Variants in CIITA observed in about 807,000 individuals in gnomAD.
CIITA encodes class II major histocompatibility complex transactivator, also known as MHC class II transactivator.
CIITA carries 72 observed loss-of-function variants against 115.1 expected under a neutral mutation model. That is an observed-to-expected ratio of 0.63 (90% confidence interval 0.52 to 0.76). CIITA has a LOEUF of 0.76. Among genes scored for constraint, CIITA ranks in the 30% least tolerant of loss-of-function variants. The pLI is 0.00. For missense variants in CIITA, 1,617 were observed against 1,463.8 expected (o/e 1.10, Z -1.71); for synonymous variants, 763 against 635.6 (o/e 1.20, Z -3.02).
intron 1 of CIITA, among the ~76,000 whole-genome samples, chr16:10,868,599 G>A (rs2035257404): frequency 6.6e-6 from 1 of 152,178 alleles, no homozygotes; most frequent in African/African-American, 2.4e-5. Context: ...GGCGCAGACA[G>A]CCAGTGTGGT....
chr16:10,872,426 C>T (rs75070322), upstream of CIITA, among the ~76,000 whole-genome samples: 4,556 of 152,208 alleles, frequency 0.03, 87 homozygotes, highest in Middle Eastern at 0.051. Context: ...CCCAGCCTCT[C>T]GCCCTGTCTT....
chr16:10,942,184 G>T lies in CIITA; in HGVS notation n.1310G>T. 2.1e-6 allele frequency: 1 copy of T among 478,480 alleles called. No individual in the cohort carries two copies. The highest frequency in any genetic ancestry group is 3.4e-6 in the Non-Finnish European group (1 of 291,620). 29.6% of individuals were successfully genotyped at this position (478,480 alleles called of 1,614,324 possible). A position where few individuals can be genotyped will look rare whatever the true frequency, so the allele number is the denominator to read the frequency against. ...CCCCGACCCCCGAAATGCGCCGGGCGGGTCACCGCACCCCGAGATGTGCCC... is the reference window on the plus strand; with the variant it reads ...CCCCGACCCCCGAAATGCGCCGGGCTGGTCACCGCACCCCGAGATGTGCCC... On this transcript the variant is annotated non_coding_transcript_exon_variant, in exon 2 of 2. Coordinates refer to the CIITA transcript ENST00000573379. This position sits in a 1 kb window ranked among gnomAD's most constrained non-coding sequence, Gnocchi z 5.0.
intron 1 of CIITA, among the ~76,000 whole-genome samples, chr16:10,882,464 C>T (rs1020891904): frequency 2.6e-5 from 4 of 152,194 alleles, no homozygotes; most frequent in African/African-American, 9.7e-5. Flanking sequence ...TGCAGTGGCT[C>T]ATGCCTGTAA....
chr16:10,922,313 C>G (rs1213937643), intron 17 of CIITA, 63 bp downstream of exon 17: 4 of 1,605,040 alleles, frequency 2.5e-6, no homozygotes, highest in Non-Finnish European at 3.4e-6. Flanking sequence ...GAAGTCTCTC[C>G]CTGGTGTCCT....
chr16:10,918,274 C>A (rs551090840), intron 15 of CIITA, among the ~76,000 whole-genome samples, 166 bp from the exon 16 acceptor site: 1 of 152,346 alleles, frequency 6.6e-6, no homozygotes, highest in African/African-American at 2.4e-5. Flanking sequence ...CTCATCCCTG[C>A]CCTCCCACTT....
rs1187454095 is a variant in CIITA at position 10,907,253 on chromosome 16, G to A, written c.1761G>A (p.Met587Ile). The A allele has an allele frequency of 6.2e-7, 1 of 1,613,528 alleles. No homozygotes were observed. Among genetic ancestry groups the A allele is most frequent in the Non-Finnish European group, 8.5e-7 (1 of 1,179,988 alleles). Residue 587 changes from methionine (M) to isoleucine (I), a missense_variant, in exon 11 of 20, where the codon ATG becomes ATA. Coordinates refer to ENST00000324288, the MANE Select transcript of CIITA (RefSeq NM_000246.4). This position sits in a 1 kb window ranked among gnomAD's most constrained non-coding sequence, Gnocchi z 5.0. ...YVMRYFESSG[M>I]TEHQDRALTL... ...TGCGCTACTTTGAGAGCTCAGGGAT[G>A]ACAGAGCACCAAGACAGAGCCCTGA...
rs1336520456 is a variant in CIITA, at chr16:10,879,318, G to A, written c.52+1936G>A. Among the ~76,000 whole-genome samples, 13 of 152,150 alleles carry A rather than the reference G, an allele frequency of 8.5e-5. No homozygotes were observed. Among genetic ancestry groups the A allele is most frequent in the African/African-American group, 2.7e-4 (11 of 41,436 alleles). ...AAAGCCTGGCGGCAGCTTCTGCAGA[G>A]AAGCCGGAGCGCAGACTGGGAGCGC... On this transcript the variant is annotated intron_variant, in intron 1 of 19. Transcript: ENST00000324288. The surrounding 1 kb of genome is among the most constrained non-coding windows in gnomAD (Gnocchi z 4.3).
rs537456510 is a variant in CIITA, at chr16:10,879,501, A to G, written c.52+2119A>G. 6.6e-6 allele frequency among the ~76,000 whole-genome samples: 1 copy of G among 152,274 alleles called. No homozygotes were observed. The highest frequency in any genetic ancestry group is 6.5e-5 in the Admixed American group (1 of 15,288). On this transcript the variant is annotated intron_variant, in intron 1 of 19. Coordinates refer to ENST00000324288, the MANE Select transcript of CIITA (RefSeq NM_000246.4). This position sits in a 1 kb window ranked among gnomAD's most constrained non-coding sequence, Gnocchi z 4.3. The stretch of plus-strand genomic sequence containing the variant: ...GTCATATTCCATCTCTAACTCTGGA[A>G]TCTTGGGTATTGGGCTCTCCAGGCG...
chr16:10,899,339 C>G (rs528069537), intron 5 of CIITA, among the ~76,000 whole-genome samples: 1 of 152,326 alleles, frequency 6.6e-6, no homozygotes, highest in South Asian at 2.1e-4. Context: ...TTGCTATAGT[C>G]TCTATCTGGA....
intron 13 of CIITA, among the ~76,000 whole-genome samples, chr16:10,911,266 CTTTCTTTCCTT>C (rs1312573496): frequency 2.0e-5 from 3 of 149,046 alleles, no homozygotes; most frequent in Non-Finnish European, 3.0e-5. Flanking sequence ...TTTCTTTCCT[CTTTCTTTCCTT>C]TCCCTTCCTT....
chr16:10,900,730 A>G (rs2038657768), intron 5 of CIITA, among the ~76,000 whole-genome samples: 1 of 150,228 alleles, frequency 6.7e-6, no homozygotes, highest in Non-Finnish European at 1.5e-5. Context: ...ACAGAGCTAG[A>G]CTCTGTTTCA....
chr16:10,904,016 G>T, intron 9 of CIITA, 121 bp downstream of exon 9: 1 of 1,343,372 alleles, frequency 7.4e-7, no homozygotes, highest in Non-Finnish European at 1.1e-6. Flanking sequence ...CATGTTTAGG[G>T]GTCAGTCGGG....
chr16:10,907,712 C>G lies in CIITA; in HGVS notation c.2220C>G (p.Thr740=), dbSNP rs2039272434. The change falls in exon 11 of 20, where the codon ACC becomes ACG. Residue 740 remains threonine (T), a synonymous_variant. Coordinates refer to ENST00000324288, the MANE Select transcript of CIITA (RefSeq NM_000246.4). The surrounding 1 kb of genome is among the most constrained non-coding windows in gnomAD (Gnocchi z 5.0). The stretch of plus-strand genomic sequence containing the variant: ...AGCTCCCGCAGTACCTAGCATTGAC[C>G]CCAAGGAAGAAGAGGCCCTATGACA... ...DKELPQYLAL[T]PRKKRPYDNW... is the part of the protein sequence containing the mutation. 3.1e-6 allele frequency: 5 copies of G among 1,614,112 alleles called. No individual in the cohort carries two copies. The East Asian group carries it at 1.1e-4, about 36-fold the overall frequency.
chr16:10,906,835 T>C lies in CIITA; in HGVS notation c.1343T>C (p.Val448Ala), dbSNP rs755378764. Residue 448 changes from valine to alanine, a missense_variant, in exon 11 of 20, where the codon GTC (valine) becomes GCC (alanine). Val to Ala is a moderately conservative substitution (Grantham distance 64). Transcript: ENST00000324288. ...ACGRLPQYDF[V>A]FSVPCHCLNR... ...GGCCGGCTTCCCCAGTACGACTTTG[T>C]CTTCTCTGTCCCCTGCCATTGCTTG... 26 of 1,613,058 alleles carry C rather than the reference T, an allele frequency of 1.6e-5. No homozygotes were observed. In the African/African-American group the frequency reaches 1.7e-4, roughly 11 times the overall value.
At position 10,895,995 on chromosome 16, in the gene CIITA, T is replaced by C. The variant is rs74007574; in HGVS notation, c.295+231T>C. Among the ~76,000 whole-genome samples the C allele has an allele frequency of 8.4e-3, 1,284 of 152,084 alleles. 20 individuals carry two copies. The highest frequency in any genetic ancestry group is 0.03 in the African/African-American group (1,229 of 41,488). Reference sequence around the variant, plus strand: ...ACTAATGACCACCAAGAAAACAAAATCTCATGTTTACATCCTCCACCTCCA... The same window carrying C: ...ACTAATGACCACCAAGAAAACAAAACCTCATGTTTACATCCTCCACCTCCA... On this transcript the variant is annotated intron_variant, in intron 3 of 19. Transcript: ENST00000324288.
chr16:10,915,203 C>T, intron 13 of CIITA: 1 of 378,040 alleles, frequency 2.6e-6, no homozygotes, highest in South Asian at 2.1e-5. Flanking sequence ...GGACACACCA[C>T]CACACTTGGC....
At chr16:10,880,306 G>A (rs141287632) in intron 1 of CIITA, among the ~76,000 whole-genome samples, 1 of 152,260 alleles carries the variant, frequency 6.6e-6, no homozygotes, top group African/African-American at 2.4e-5. Context: ...GCTAGGCCTG[G>A]GGTGAGGCTG....
In CIITA at chr16:10,890,337, G is replaced by A. The variant is rs372319965; in HGVS notation, c.53-4945G>A. Among the ~76,000 whole-genome samples, 21 of 151,848 alleles carry A rather than the reference G, an allele frequency of 1.4e-4. No individual in the cohort carries two copies. In the East Asian group the frequency reaches 4.1e-3, roughly 29 times the overall value. On this transcript the variant is annotated intron_variant, in intron 1 of 19. Coordinates refer to ENST00000324288, the MANE Select transcript of CIITA (RefSeq NM_000246.4). ...CTGGCTCTATCACCCAGGCTGGAGT[G>A]CAGTGGTGCAATCTCAGTTCACTGC...
intron 1 of CIITA, among the ~76,000 whole-genome samples, chr16:10,882,703 G>A (rs1208018277): frequency 1.3e-5 from 2 of 152,198 alleles, no homozygotes; most frequent in Non-Finnish European, 2.9e-5. Context: ...TTCGAGACCA[G>A]CCTGGGCAAC....
Sources: gnomAD v4.1 joint callset for allele counts (sites outside exome capture counted in the v4.1 genomes callset) on GRCh38, gnomAD v4.1.1 for gene constraint, Gnocchi (gnomAD v3.1) non-coding constraint, MANE v1.5 for transcripts, NCBI Gene and HGNC (gene_info 2026-07-23, HGNC 2026-07-21) for gene names.